DQX1: variants seen among roughly 807,000 people sequenced by gnomAD.
The protein encoded by DQX1 is DEAQ-box RNA dependent ATPase 1.
DQX1 carries 66 observed loss-of-function variants against 81.3 expected under a neutral mutation model. The observed-to-expected ratio is 0.81, with a 90% CI of 0.67 to 1.00. DQX1 has a LOEUF of 1.00. DQX1 is among the 50% of genes least tolerant of loss of function. The pLI, the probability that DQX1 is intolerant of heterozygous loss-of-function variation, is 0.00. For synonymous variants in DQX1, 290 were observed against 350.0 expected (o/e 0.83, Z 1.91); for missense variants, 798 against 867.9 (o/e 0.92, Z 1.01).
At position 74,519,721 on chromosome 2, in the gene DQX1, C is replaced by T; in HGVS notation, c.1641G>A (p.Gln547=). 1 of 1,614,198 alleles carries T rather than the reference C, an allele frequency of 6.2e-7. No homozygotes were observed. Among genetic ancestry groups the T allele is most frequent in the Non-Finnish European group, 8.5e-7 (1 of 1,180,026 alleles). Residue 547 remains glutamine (Q), a synonymous_variant, in exon 10 of 12, where the codon CAG becomes CAA. Transcript: ENST00000404568. ...IQSGADEAWC[Q]ARGLNWAALC... ...ATGCTGCCCAATTCAGACCTCGAGC[C>T]TGGCACCAAGCCTCATCTGCTCCAC...
intron 11 of DQX1, 148 bp downstream of exon 11, chr2:74,518,892 C>T: frequency 1.1e-6 from 1 of 907,342 alleles, no homozygotes; most frequent in Middle Eastern, 3.6e-4. Context: ...TTTTAAACTT[C>T]TCACCAGCCC....
intron 10 of DQX1, 82 bp from the exon 11 acceptor site, chr2:74,519,312 A>G: frequency 1.4e-6 from 2 of 1,445,316 alleles, no homozygotes; most frequent in South Asian, 2.8e-5. Flanking sequence ...GGATTGAGAA[A>G]GAGTAAGGGT....
In DQX1 at chr2:74,519,138, G is replaced by T; in HGVS notation, c.1899C>A (p.Arg633=). 6.2e-7 allele frequency: 1 copy of T among 1,613,630 alleles called. No homozygotes were observed. ...ATGGTGGGGGTCTGGCAGGAGCTCT[G>T]CGGCTTCGGTAGCAGCAGTATGAGG... ...QLSSYCCYRS[R]RAPARPPPWV... Residue 633 remains arginine, a synonymous_variant, in exon 11 of 12, where the codon CGC becomes CGA. Transcript: ENST00000404568.
intron 8 of DQX1, 49 bp downstream of exon 8, chr2:74,522,531 A>G: frequency 6.4e-7 from 1 of 1,565,550 alleles, no homozygotes; most frequent in Middle Eastern, 1.7e-4. Flanking sequence ...CCCAAGAGGA[A>G]GGGCTGAAGT....
intron 11 of DQX1, 83 bp from the exon 12 acceptor site, chr2:74,518,685 T>A (rs1674950599): frequency 7.2e-7 from 1 of 1,395,080 alleles, no homozygotes; most frequent in Admixed American, 1.9e-5. Flanking sequence ...CTCGCTCTGT[T>A]ACCTGGGCTG....
At position 74,522,678 on chromosome 2, in the gene DQX1, G is replaced by A. The variant is rs145468372; in HGVS notation, c.1397C>T (p.Ser466Leu). 1.9e-6 allele frequency: 3 copies of A among 1,614,124 alleles called. No individual in the cohort carries two copies. The highest frequency in any genetic ancestry group is 2.5e-6 in the Non-Finnish European group (3 of 1,180,052). The change falls in exon 8 of 12, where the codon TCA becomes TTA. Residue 466 changes from serine to leucine, a missense_variant. Ser to Leu is a moderately radical substitution (Grantham distance 145). Transcript: ENST00000404568. Reference protein sequence around the residue: ...GDLSDLGVILSEFPLAPELAK... With the variant: ...GDLSDLGVILLEFPLAPELAK... ...CAGCTCAGGGGCCAGAGGGAATTCT[G>A]ATAGTATGACACCCAGATCTGACAG...
rs1245795952 is a variant in DQX1 at position 74,522,599 on chromosome 2, G to A, written c.1476C>T (p.Thr492=). ...TTATACCTGTGAGCATGGCAGCCAG[G>A]GTGAGCATCTCGTCCACACAGTCAA... ...CEFDCVDEML[T]LAAMLTAAPG... is the part of the protein sequence containing the mutation. The change falls in exon 8 of 12, where the codon ACC becomes ACT. Residue 492 remains threonine (T), a synonymous_variant. Transcript: ENST00000404568. The A allele has an allele frequency of 2.5e-6, 4 of 1,613,862 alleles. No homozygotes were observed. Among genetic ancestry groups the A allele is most frequent in the Middle Eastern group, 1.7e-4 (1 of 6,060 alleles).
At chr2:74,520,063 C>T (rs763890321) in intron 8 of DQX1, 29 bp from the exon 9 acceptor site, 35 of 1,601,472 alleles carry the variant, frequency 2.2e-5, no homozygotes, top group Admixed American at 3.4e-5. Flanking sequence ...AAGGTAGAAT[C>T]TGCCATTTGG....
In DQX1 at chr2:74,524,165, C is replaced by T. The variant is rs762360458; in HGVS notation, c.574G>A (p.Glu192Lys). The T allele has an allele frequency of 1.9e-6, 3 of 1,614,188 alleles. No individual in the cohort carries two copies. Among genetic ancestry groups the T allele is most frequent in the Middle Eastern group, 1.6e-4 (1 of 6,062 alleles). Residue 192 changes from glutamate (E) to lysine (K), a missense_variant, in exon 4 of 12, where the codon GAA becomes AAA. Transcript: ENST00000404568. ...ACTCTGAGGTCCCCCGGAAGTTTTT[C>T]CAGCCTGGCATCTTGCAGTAGCCCC... ...LQGLLQDARL[E>K]KLPGDLRVVV...
At position 74,522,970 on chromosome 2, in the gene DQX1, C is replaced by T. The variant is rs767587992; in HGVS notation, c.1189G>A (p.Ala397Thr). 1.2e-5 allele frequency: 20 copies of T among 1,614,018 alleles called. No homozygotes were observed. The highest frequency in any genetic ancestry group is 1.6e-5 in the Non-Finnish European group (19 of 1,180,030). Residue 397 changes from alanine (A) to threonine (T), a missense_variant, in exon 7 of 12, where the codon GCT becomes ACT. Physicochemically the swap from Ala to Thr is moderately conservative, Grantham distance 58 (BLOSUM62 0). Coordinates refer to ENST00000404568, the MANE Select transcript of DQX1 (RefSeq NM_133637.3). The stretch of plus-strand genomic sequence containing the variant: ...ACCCTGGGTTGTGGCAATGGTGGAG[C>T]TTCTAGTTCTAAGAAGGACTTAGGA... ...LYPKSFLELEAPPLPQPRVCE... is the reference protein window; with the variant it reads ...LYPKSFLELETPPLPQPRVCE...
In DQX1 at chr2:74,519,735, C is replaced by T. The variant is rs1674977874; in HGVS notation, c.1627G>A (p.Glu543Lys). 1.2e-6 allele frequency: 2 copies of T among 1,614,210 alleles called. No individual in the cohort carries two copies. Among genetic ancestry groups the T allele is most frequent in the East Asian group, 4.5e-5 (2 of 44,886 alleles). ...AGACCTCGAGCCTGGCACCAAGCCTCATCTGCTCCACCTAGGAGAGGAAAG... is the reference window on the plus strand; with the variant it reads ...AGACCTCGAGCCTGGCACCAAGCCTTATCTGCTCCACCTAGGAGAGGAAAG... ...YEAFIQSGAD[E>K]AWCQARGLNW... The change falls in exon 10 of 12, where the codon GAG (glutamate) becomes AAG (lysine). Residue 543 changes from glutamate to lysine, a missense_variant. Coordinates refer to ENST00000404568, the MANE Select transcript of DQX1 (RefSeq NM_133637.3).
In DQX1 at chr2:74,524,036, T is replaced by TG; in HGVS notation, c.702dup (p.Ile235HisfsTer9). On this transcript the variant is annotated frameshift_variant, in exon 4 of 12. Coordinates refer to ENST00000404568, the MANE Select transcript of DQX1 (RefSeq NM_133637.3). LOFTEE classifies it high-confidence loss of function. ...TCAGGTGGGATGGTGTCCCAGTAGA[T>TG]GGGGGAAGGTCTCTCACCAGGCTCT... 1.9e-6 allele frequency: 3 copies of TG among 1,614,170 alleles called. No individual in the cohort carries two copies. Among genetic ancestry groups the TG allele is most frequent in the Non-Finnish European group, 2.5e-6 (3 of 1,180,024 alleles).
rs539357309 is a variant in DQX1, at chr2:74,518,411, G to A, written c.*35C>T. ...ACCCTGAGGGATAATCTAATGTGAT[G>A]AGATGAACCCAGCTCCATTCCATAG... On this transcript the variant is annotated 3_prime_UTR_variant, in exon 12 of 12. Transcript: ENST00000404568. 6.2e-7 allele frequency: 1 copy of A among 1,609,182 alleles called. No individual in the cohort carries two copies. Among genetic ancestry groups the A allele is most frequent in the African/African-American group, 1.3e-5 (1 of 74,956 alleles).
Position 74,519,118 on chromosome 2 carries a change from G to C in DQX1, c.1919C>G (p.Pro640Arg). The C allele has an allele frequency of 6.2e-7, 1 of 1,612,186 alleles. No individual in the cohort carries two copies. The highest frequency in any genetic ancestry group is 8.5e-7 in the Non-Finnish European group (1 of 1,179,298). ...GAAATTGTGGTAGAGCACCCATGGTGGGGGTCTGGCAGGAGCTCTGCGGCT... is the reference window on the plus strand; with the variant it reads ...GAAATTGTGGTAGAGCACCCATGGTCGGGGTCTGGCAGGAGCTCTGCGGCT... ...YRSRRAPARP[P>R]PWVLYHNFTI... is the part of the protein sequence containing the mutation. Residue 640 changes from proline to arginine, a missense_variant, in exon 11 of 12, where the codon CCA (proline) becomes CGA (arginine). Transcript: ENST00000404568.
intron 3 of DQX1, 68 bp from the exon 4 acceptor site, chr2:74,524,375 C>G (rs890609707): frequency 3.0e-5 from 46 of 1,538,206 alleles, no homozygotes; most frequent in Non-Finnish European, 3.9e-5. Context: ...CTCAGGGAAT[C>G]TTCTCCCCAA....
intron 10 of DQX1, 33 bp from the exon 11 acceptor site, chr2:74,519,263 A>C (rs376327121): frequency 4.3e-5 from 66 of 1,529,278 alleles, no homozygotes; most frequent in Non-Finnish European, 5.5e-5. Flanking sequence ...GACGGAATAA[A>C]TAAAAGGGAA....
chr2:74,519,985 C>T lies in DQX1; in HGVS notation c.1545G>A (p.Leu515=). 6.2e-7 allele frequency: 1 copy of T among 1,614,162 alleles called. No individual in the cohort carries two copies. Among genetic ancestry groups the T allele is most frequent in the Non-Finnish European group, 8.5e-7 (1 of 1,180,014 alleles). Reference sequence around the variant, plus strand: ...CATCCGTGTGTTCCAGGGCCCGACGCAGGGCAGCTTCTTCTGCACTGAGTG... The same window carrying T: ...CATCCGTGTGTTCCAGGGCCCGACGTAGGGCAGCTTCTTCTGCACTGAGTG... ...RPPLSAEEAA[L]RRALEHTDGD... The change falls in exon 9 of 12, where the codon CTG becomes CTA. Residue 515 remains leucine, a synonymous_variant. Coordinates refer to ENST00000404568, the MANE Select transcript of DQX1 (RefSeq NM_133637.3).
rs201047482 is a variant in DQX1 at position 74,523,465 on chromosome 2, C to G, written c.889G>C (p.Val297Leu). ...SLLLQGLPPR[V>L]LPLHPDCGRA... ...CCACAGTCTGGGTGAAGGGGCAGTA[C>G]TCGTGGTGGAAGCCCTTGGAGAAGC... Residue 297 changes from valine to leucine, a missense_variant, in exon 5 of 12, where the codon GTA becomes CTA. Val to Leu is a conservative substitution (Grantham distance 32, BLOSUM62 1). Coordinates refer to ENST00000404568, the MANE Select transcript of DQX1 (RefSeq NM_133637.3). The G allele has an allele frequency of 6.2e-7, 1 of 1,614,072 alleles. No individual in the cohort carries two copies. Among genetic ancestry groups the G allele is most frequent in the Non-Finnish European group, 8.5e-7 (1 of 1,180,018 alleles).
At chr2:74,524,940 C>T (rs1675131066) in intron 3 of DQX1, 69 bp downstream of exon 3, 10 of 1,527,804 alleles carry the variant, frequency 6.5e-6, no homozygotes, top group Non-Finnish European at 8.9e-6. Flanking sequence ...GGTGAGATGC[C>T]AGAGGAATGG....
Sources: allele counts gnomAD v4.1 joint callset, GRCh38; gene constraint gnomAD v4.1.1; transcripts MANE v1.5; gene names NCBI Gene and HGNC (gene_info 2026-07-23, HGNC 2026-07-21).